The following MYH7B variants were observed in gnomAD, a reference collection of about 807,000 sequenced individuals.
MYH7B encodes the protein myosin heavy chain 7B.
In MYH7B, 205 loss-of-function variants were observed where a neutral mutation model predicts 234.5. The ratio of observed to expected loss-of-function variants is 0.87; its 90% CI spans 0.78 to 0.98. MYH7B has a LOEUF of 0.98. MYH7B is among the 50% of genes least tolerant of loss of function. MYH7B has a pLI of 0.00. For synonymous variants in MYH7B, 1,193 were observed against 1,105.0 expected (o/e 1.08, Z -1.58); for missense variants, 2,652 against 2,633.4 (o/e 1.01, Z -0.15).
exon 12 of MYH7B, chr20:34,984,941 C>T (rs763470548): frequency 6.2e-6 from 10 of 1,613,552 alleles, no homozygotes; most frequent in Middle Eastern, 1.7e-4. Flanking sequence ...TAACTCCTCC[C>T]GCTTTGTGAG....
chr20:34,969,489 C>T (rs1183625574), intron 2 of MYH7B, among the ~76,000 whole-genome samples: 1 of 151,786 alleles, frequency 6.6e-6, no homozygotes, highest in East Asian at 1.9e-4. Flanking sequence ...AAATGTCTCT[C>T]TCCCCCGATT....
Position 34,993,454 on chromosome 20 carries a change from C to T in MYH7B, c.2428C>T (p.Arg810Cys), listed in dbSNP as rs1284539795. The T allele has an allele frequency of 2.5e-6, 4 of 1,603,278 alleles. No homozygotes were observed. In the African/African-American group the frequency reaches 4.0e-5, roughly 16 times the overall value. Reference sequence around the variant, plus strand: ...CCGCCTCATGCGCCTTGAGTACCAGCGCCTGCTGGGAGGCAGGTGGGTGTG... The same window carrying T: ...CCGCCTCATGCGCCTTGAGTACCAGTGCCTGCTGGGAGGCAGGTGGGTGTG... Residue 810 changes from arginine (R) to cysteine (C), a missense_variant, in exon 26 of 45, where the codon CGC (arginine) becomes TGC (cysteine). Physicochemically the swap from Arg to Cys is radical, Grantham distance 180. Around this residue, in one of 3 missense-constraint regions of MYH7B, gnomAD observed 2,279 missense variants for 2,211.4 expected, o/e 1.03. Coordinates refer to ENST00000262873, the Ensembl canonical transcript of MYH7B.
chr20:35,000,820 T>C lies in MYH7B; in HGVS notation c.5231T>C (p.Leu1744Pro), dbSNP rs1188260808. The C allele has an allele frequency of 1.2e-6, 2 of 1,613,464 alleles. No individual in the cohort carries two copies. Among genetic ancestry groups the C allele is most frequent in the Admixed American group, 1.7e-5 (1 of 59,980 alleles). ...AAGCTGGAGGCGGACTTGGCCCAGCTGAGCGGGGAGGTGGAGGAGGCTGCA... is the reference window on the plus strand; with the variant it reads ...AAGCTGGAGGCGGACTTGGCCCAGCCGAGCGGGGAGGTGGAGGAGGCTGCA... Residue 1744 changes from leucine to proline, a missense_variant, in exon 40 of 45, where the codon CTG (leucine) becomes CCG (proline). Around this residue, in one of 3 missense-constraint regions of MYH7B, gnomAD observed 2,279 missense variants for 2,211.4 expected, o/e 1.03. Transcript: ENST00000262873.
At chr20:34,980,633 A>G (rs754236224) in exon 8 of MYH7B, 21 of 1,614,042 alleles carry the variant, frequency 1.3e-5, no homozygotes, top group South Asian at 2.2e-5. Context: ...CTCCCAGTCT[A>G]TACGGCCTCC....
chr20:34,997,316 G>C (rs1223145862), exon 32 of MYH7B: 1 of 1,551,830 alleles, frequency 6.4e-7, no homozygotes, highest in East Asian at 2.4e-5. Flanking sequence ...GCGTGGAGAA[G>C]CAGCGTGCAG....
At chr20:34,999,142 T>C in exon 36 of MYH7B, 1 of 1,613,716 alleles carries the variant, frequency 6.2e-7, no homozygotes, top group Non-Finnish European at 8.5e-7. Context: ...AAGGCCAAGC[T>C]GCGGCTACAG....
intron 2 of MYH7B, among the ~76,000 whole-genome samples, chr20:34,960,643 C>T (rs943477079): frequency 6.6e-6 from 1 of 152,210 alleles, no homozygotes; most frequent in African/African-American, 2.4e-5. Context: ...AGTGATATCA[C>T]CCTGCCTCAT....
chr20:34,966,624 C>T (rs1454012630), intron 2 of MYH7B, among the ~76,000 whole-genome samples: 2 of 152,134 alleles, frequency 1.3e-5, no homozygotes, highest in East Asian at 3.8e-4. Context: ...CGTGCACACA[C>T]ACGCTCACAA....
At chr20:34,964,844 T>C (rs979977371) in intron 2 of MYH7B, among the ~76,000 whole-genome samples, 2 of 152,190 alleles carry the variant, frequency 1.3e-5, no homozygotes, top group Non-Finnish European at 1.5e-5. Context: ...ATGACCCTTT[T>C]TCTGGGACTT....
exon 39 of MYH7B, chr20:35,000,613 A>G: frequency 6.4e-7 from 1 of 1,573,548 alleles, no homozygotes; most frequent in Non-Finnish European, 8.6e-7. Context: ...GCCCTGGAGC[A>G]GGGCGAGCGC....
intron 2 of MYH7B, among the ~76,000 whole-genome samples, chr20:34,969,495 C>T (rs1287505135): frequency 1.3e-5 from 2 of 151,696 alleles, no homozygotes; most frequent in South Asian, 2.1e-4. Context: ...CTCTCTCCCC[C>T]GATTTTTACG....
Position 35,002,257 on chromosome 20 carries a change from G to A in MYH7B, c.*69G>A, listed in dbSNP as rs369903809. The A allele has an allele frequency of 2.7e-4, 406 of 1,482,076 alleles. 3 individuals carry two copies. Among genetic ancestry groups the A allele is most frequent in the Middle Eastern group, 2.4e-3 (13 of 5,508 alleles). 91.8% of individuals were successfully genotyped at this position (1,482,076 alleles called of 1,614,324 possible). ...ACATCTGGCTGAGGCCACCTGCCCC[G>A]ATCCTGCCATCTCTGCATCGCCCCC... On this transcript the variant is annotated 3_prime_UTR_variant, in exon 45 of 45. Transcript: ENST00000262873.
intron 43 of MYH7B, 31 bp from the exon 44 acceptor site, chr20:35,001,917 A>C: frequency 6.2e-7 from 1 of 1,601,336 alleles, no homozygotes; most frequent in South Asian, 1.1e-5. Context: ...CAGTCACCCA[A>C]GCGGAACCAA....
At chr20:34,968,738 C>G (rs1012126810) in intron 2 of MYH7B, among the ~76,000 whole-genome samples, 3 of 152,218 alleles carry the variant, frequency 2.0e-5, no homozygotes, top group Non-Finnish European at 4.4e-5. Context: ...AGCTGTGCAG[C>G]AAGGGGCGTG....
intron 13 of MYH7B, 55 bp downstream of exon 13, chr20:34,985,184 C>G: frequency 6.5e-7 from 1 of 1,544,494 alleles, no homozygotes; most frequent in East Asian, 2.2e-5. Context: ...CCCGGTCACC[C>G]CAACTCGGCC....
chr20:34,999,614 G>A lies in MYH7B; in HGVS notation c.4584G>A (p.Lys1528=). The A allele has an allele frequency of 3.7e-6, 6 of 1,613,600 alleles. No individual in the cohort carries two copies. The African/African-American group carries it at 4.0e-5, about 11-fold the overall frequency. The change falls in exon 37 of 45, where the codon AAG becomes AAA. Residue 1528 remains lysine (K), a synonymous_variant. Coordinates refer to ENST00000262873, the Ensembl canonical transcript of MYH7B. ...CAGACCAGGTGAGTCTCAGTGGGAAGAGCATCCAGGAACTGGAGAAAACCA... is the reference window on the plus strand; with the variant it reads ...CAGACCAGGTGAGTCTCAGTGGGAAAAGCATCCAGGAACTGGAGAAAACCA...
At chr20:34,971,447 C>T (rs1028818867) in intron 2 of MYH7B, among the ~76,000 whole-genome samples, 6 of 151,882 alleles carry the variant, frequency 4.0e-5, no homozygotes, top group Non-Finnish European at 8.8e-5. Flanking sequence ...CATCTCTCCT[C>T]TGGATAAACA....
intron 2 of MYH7B, among the ~76,000 whole-genome samples, chr20:34,966,731 C>T (rs947427873): frequency 3.3e-5 from 5 of 151,648 alleles, no homozygotes; most frequent in African/African-American, 7.3e-5. Flanking sequence ...CAATTGCATG[C>T]GAATATACAA....
exon 40 of MYH7B, chr20:35,000,885 A>G: frequency 4.3e-6 from 7 of 1,612,652 alleles, no homozygotes; most frequent in Non-Finnish European, 5.9e-6. Context: ...CAAAAAGGCC[A>G]TCACTGATGT....
Sources: allele counts gnomAD v4.1 joint callset (sites outside exome capture counted in the v4.1 genomes callset), GRCh38; gene constraint gnomAD v4.1.1; regional missense constraint gnomAD v4.1.1; transcripts MANE v1.5; gene names NCBI Gene and HGNC (gene_info 2026-07-23, HGNC 2026-07-21).